The following NTN5 variants were observed in gnomAD, a reference collection of about 807,000 sequenced individuals.
NTN5 encodes the protein netrin 5.
NTN5 carries 42 observed loss-of-function variants against 38.7 expected under a neutral mutation model. The observed-to-expected ratio is 1.08, with a 90% CI of 0.85 to 1.40. The LOEUF (loss-of-function observed/expected upper bound fraction) is 1.40, where lower values mean the gene tolerates loss of function less well. Among genes scored for constraint, NTN5 ranks in the 40% most tolerant of loss-of-function variants. NTN5 has a pLI of 0.00. For synonymous variants in NTN5, 329 were observed against 303.9 expected (o/e 1.08, Z -0.86); for missense variants, 658 against 716.5 (o/e 0.92, Z 0.93).
Position 48,670,914 on chromosome 19 carries a change from G to C in NTN5, c.73C>G (p.Arg25Gly), listed in dbSNP as rs759771638. Reference protein sequence around the residue: ...TADPCYDPQGRPQFCLPPVTQ... With the variant: ...TADPCYDPQGGPQFCLPPVTQ... Reference sequence around the variant, plus strand: ...ACTGGCGGGAGGCAGAATTGGGGGCGGCCCTGTGGATCGTAGCATGGGTCC... The same window carrying C: ...ACTGGCGGGAGGCAGAATTGGGGGCCGCCCTGTGGATCGTAGCATGGGTCC... The change falls in exon 2 of 7, where the codon CGC (arginine) becomes GGC (glycine). Residue 25 changes from arginine (R) to glycine (G), a missense_variant. Transcript: ENST00000270235. The C allele has an allele frequency of 5.6e-6, 9 of 1,601,394 alleles. No individual in the cohort carries two copies. The highest frequency in any genetic ancestry group is 7.7e-6 in the Non-Finnish European group (9 of 1,173,388).
Position 48,663,532 on chromosome 19 carries a change from G to A in NTN5, c.1036C>T (p.Gln346Ter), listed in dbSNP as rs1200976613. The part of the protein sequence containing the change: ...PGAYSSDPQC[Q>*]NYCNMSDTRV... ...GTGTCCGACATATTGCAGTAGTTTT[G>A]ACACTGAGGGTCTGGGGAGGGTCAG... The change falls in exon 6 of 7, where the codon CAA becomes TAA. Residue 346 changes from glutamine to a stop codon, truncating the protein, a stop_gained. Coordinates refer to ENST00000270235, the MANE Select transcript of NTN5 (RefSeq NM_145807.4). LOFTEE classifies it high-confidence loss of function. 3 of 1,614,130 alleles carry A rather than the reference G, an allele frequency of 1.9e-6. No individual in the cohort carries two copies. In the Admixed American group the frequency reaches 5.0e-5, roughly 27 times the overall value.
chr19:48,661,950 C>A lies in NTN5; in HGVS notation c.1197G>T (p.Ala399=). Residue 399 remains alanine, a synonymous_variant, in exon 7 of 7, where the codon GCG becomes GCT. Transcript: ENST00000270235. ...CCTGGTCGCCGCGTCGCACGGGCTG[C>A]GCCCGCTGCTTGTAAACGGCCAGCA... ...VRVLAVYKQR[A]QPVRRGDQDA... is the part of the protein sequence containing the mutation. 1 of 1,439,254 alleles carries A rather than the reference C, an allele frequency of 6.9e-7. No individual in the cohort carries two copies. The highest frequency in any genetic ancestry group is 9.1e-7 in the Non-Finnish European group (1 of 1,103,018). 89.2% of individuals were successfully genotyped at this position (1,439,254 alleles called of 1,614,324 possible).
chr19:48,661,694 G>A lies in NTN5; in HGVS notation c.1453C>T (p.Pro485Ser). Residue 485 changes from proline to serine, a missense_variant, in exon 7 of 7, where the codon CCC becomes TCC. Pro to Ser is a moderately conservative substitution (Grantham distance 74). Coordinates refer to ENST00000270235, the MANE Select transcript of NTN5 (RefSeq NM_145807.4). Reference sequence around the variant, plus strand: ...TCTCACGTCTAGTGCTCCGGCCTGGGACTGGGTGTGGGTGCCCGCACGCCG... The same window carrying A: ...TCTCACGTCTAGTGCTCCGGCCTGGAACTGGGTGTGGGTGCCCGCACGCCG... ...CRGVRAPTPSPRPEH is the reference protein window; with the variant it reads ...CRGVRAPTPSSRPEH 1 of 1,556,412 alleles carries A rather than the reference G, an allele frequency of 6.4e-7. No individual in the cohort carries two copies. Among genetic ancestry groups the A allele is most frequent in the Non-Finnish European group, 8.6e-7 (1 of 1,161,338 alleles).
chr19:48,670,275 G>A, intron 2 of NTN5, 81 bp downstream of exon 2: 1 of 1,323,700 alleles, frequency 7.6e-7, no homozygotes, highest in South Asian at 2.0e-5. Context: ...AGCGAGGGAA[G>A]GGAACATCCT....
chr19:48,665,528 G>A (rs1023653194), intron 2 of NTN5, among the ~76,000 whole-genome samples: 6 of 151,344 alleles, frequency 4.0e-5, no homozygotes, highest in African/African-American at 1.5e-4. Context: ...GGCCTCTAAA[G>A]AGTAGGCTGC....
Position 48,664,166 on chromosome 19 carries a change from C to A in NTN5, c.947G>T (p.Arg316Leu), listed in dbSNP as rs138529881. The change falls in exon 4 of 7, where the codon CGC becomes CTC. Residue 316 changes from arginine (R) to leucine (L), a missense_variant. By Grantham distance (102) the Arg-to-Leu change is moderately radical. Coordinates refer to ENST00000270235, the MANE Select transcript of NTN5 (RefSeq NM_145807.4). ...NRCGPGYQQS[R>L]SPRMPCQRIP... is the part of the protein sequence containing the mutation. Reference sequence around the variant, plus strand: ...ACGCTGGCAGGGCATCCTGGGGGAGCGGCTCTGCTGGTAGCCAGGGCCACA... The same window carrying A: ...ACGCTGGCAGGGCATCCTGGGGGAGAGGCTCTGCTGGTAGCCAGGGCCACA... The A allele has an allele frequency of 6.2e-6, 10 of 1,608,050 alleles. No individual in the cohort carries two copies. Among genetic ancestry groups the A allele is most frequent in the East Asian group, 2.2e-5 (1 of 44,692 alleles).
At position 48,661,664 on chromosome 19, in the gene NTN5, C is replaced by A. The variant is rs1367772332; in HGVS notation, c.*13G>T. Reference sequence around the variant, plus strand: ...ATTACTTTGTTGGTGCTCGAGGCAGCCCCATCTCACGTCTAGTGCTCCGGC... The same window carrying A: ...ATTACTTTGTTGGTGCTCGAGGCAGACCCATCTCACGTCTAGTGCTCCGGC... On this transcript the variant is annotated 3_prime_UTR_variant, in exon 7 of 7. Coordinates refer to ENST00000270235, the MANE Select transcript of NTN5 (RefSeq NM_145807.4). 1 of 1,529,308 alleles carries A rather than the reference C, an allele frequency of 6.5e-7. No homozygotes were observed. Among genetic ancestry groups the A allele is most frequent in the East Asian group, 2.6e-5 (1 of 39,178 alleles). The allele number at this position is 1,529,308 out of a possible 1,614,324, so 94.7% of individuals were successfully genotyped here.
At chr19:48,671,066 A>C (rs1258732084) in intron 1 of NTN5, 60 bp from the exon 2 acceptor site, 1 of 1,336,096 alleles carries the variant, frequency 7.5e-7, no homozygotes, top group East Asian at 2.6e-5. Context: ...CCCCTCCTGG[A>C]GGTGTCCTGT....
At chr19:48,671,125 G>C in intron 1 of NTN5, 119 bp from the exon 2 acceptor site, 1 of 646,594 alleles carries the variant, frequency 1.5e-6, no homozygotes. Flanking sequence ...CTCCCCGGCT[G>C]CATGGAAGCG....
At position 48,661,760 on chromosome 19, in the gene NTN5, G is replaced by A. The variant is rs779592292; in HGVS notation, c.1387C>T (p.Leu463=). ...CGCTCCTCCTGCTGCAGCCGCTTCAGGGGCCGGGCCCAGCGCGGCCTCCAT... is the reference window on the plus strand; with the variant it reads ...CGCTCCTCCTGCTGCAGCCGCTTCAAGGGCCGGGCCCAGCGCGGCCTCCAT... ...LPWRPRWARP[L]KRLQQEERAG... Residue 463 remains leucine (L), a synonymous_variant, in exon 7 of 7, where the codon CTG becomes TTG. Coordinates refer to ENST00000270235, the MANE Select transcript of NTN5 (RefSeq NM_145807.4). 2.0e-6 allele frequency: 3 copies of A among 1,501,384 alleles called. No individual in the cohort carries two copies. The highest frequency in any genetic ancestry group is 2.6e-6 in the Non-Finnish European group (3 of 1,135,690). 93.0% of individuals were successfully genotyped at this position (1,501,384 alleles called of 1,614,324 possible). A position where few individuals can be genotyped will look rare whatever the true frequency, so the allele number is the denominator to read the frequency against.
In NTN5 at chr19:48,670,861, G is replaced by A; in HGVS notation, c.126C>T (p.Ser42=). The change falls in exon 2 of 7, where the codon TCC becomes TCT. Residue 42 remains serine (S), a synonymous_variant. Coordinates refer to ENST00000270235, the MANE Select transcript of NTN5 (RefSeq NM_145807.4). ...GGGACAGGGCACAGGCCTGAGGGCA[G>A]GAGGCCGCCACGGCAGCCAGCTGTG... ...PVTQLAAVAA[S]CPQACALSPG... is the part of the protein sequence containing the mutation. 6.2e-7 allele frequency: 1 copy of A among 1,611,990 alleles called. No individual in the cohort carries two copies. Among genetic ancestry groups the A allele is most frequent in the South Asian group, 1.1e-5 (1 of 91,046 alleles).
At chr19:48,667,257 G>A in intron 2 of NTN5, 1 of 177,800 alleles carries the variant, frequency 5.6e-6, no homozygotes, top group South Asian at 7.5e-5. Context: ...AGACCAGGAT[G>A]TCTGTGAAGC....
chr19:48,672,107 C>A (rs1267879248), intron 1 of NTN5, among the ~76,000 whole-genome samples: 1 of 152,192 alleles, frequency 6.6e-6, no homozygotes, highest in African/African-American at 2.4e-5. Flanking sequence ...ATTCTCCACC[C>A]ATCCAGAGTT....
Position 48,670,717 on chromosome 19 carries a change from G to T in NTN5, c.270C>A (p.Leu90=). 4 of 1,612,580 alleles carry T rather than the reference G, an allele frequency of 2.5e-6. No individual in the cohort carries two copies. Among genetic ancestry groups the T allele is most frequent in the Non-Finnish European group, 3.4e-6 (4 of 1,179,756 alleles). The change falls in exon 2 of 7, where the codon CTC becomes CTA. Residue 90 remains leucine (L), a synonymous_variant. Coordinates refer to ENST00000270235, the MANE Select transcript of NTN5 (RefSeq NM_145807.4). ...CTGAGGCCCAGGCAGCAGACAGGAT[G>T]AGGGCTGGGGGTCCTGGGGTACAGA... is the stretch of plus-strand genomic sequence containing the variant. The part of the protein sequence containing the change: ...LRFCTPGPPA[L]ILSAAWASGG...
intron 2 of NTN5, among the ~76,000 whole-genome samples, chr19:48,666,638 G>A (rs1030910232): frequency 4.0e-5 from 6 of 149,594 alleles, no homozygotes; most frequent in African/African-American, 1.5e-4. Flanking sequence ...AGCAAGCACT[G>A]CAGAGTGAGA....
chr19:48,661,748 G>A lies in NTN5; in HGVS notation c.1399C>T (p.Gln467Ter). Residue 467 changes from glutamine to a stop codon, truncating the protein, a stop_gained, in exon 7 of 7, where the codon CAG becomes TAG. Coordinates refer to ENST00000270235, the MANE Select transcript of NTN5 (RefSeq NM_145807.4). LOFTEE classifies it low-confidence loss of function (END_TRUNC). ...CAGCCTCCGGCGCGCTCCTCCTGCT[G>A]CAGCCGCTTCAGGGGCCGGGCCCAG... Reference protein sequence around the residue: ...PRWARPLKRLQQEERAGGCRG... With the variant: ...PRWARPLKRL 2 of 1,523,814 alleles carry A rather than the reference G, an allele frequency of 1.3e-6. No individual in the cohort carries two copies. Among genetic ancestry groups the A allele is most frequent in the South Asian group, 2.4e-5 (2 of 83,126 alleles). The allele number at this position is 1,523,814 out of a possible 1,614,324, so 94.4% of individuals were successfully genotyped here.
At chr19:48,664,864 C>T (rs546889197) in intron 2 of NTN5, 97 bp from the exon 3 acceptor site, 26 of 1,063,172 alleles carry the variant, frequency 2.4e-5, no homozygotes, top group East Asian at 6.2e-5. Context: ...GAAAGGAAGC[C>T]GTGAGTGTCC....
intron 5 of NTN5, 37 bp from the exon 6 acceptor site, chr19:48,663,580 G>A: frequency 1.3e-6 from 2 of 1,593,992 alleles, no homozygotes; most frequent in Non-Finnish European, 1.7e-6. Context: ...GGGCTCCTGG[G>A]GCCTAGACCA....
intron 6 of NTN5, chr19:48,663,091 A>G (rs1333005934): frequency 2.5e-6 from 1 of 406,510 alleles, no homozygotes; most frequent in East Asian, 6.9e-5. Flanking sequence ...GCTAAGGCTC[A>G]AATATCTGGG....
Sources: allele counts gnomAD v4.1 joint callset (sites outside exome capture counted in the v4.1 genomes callset), GRCh38; gene constraint gnomAD v4.1.1; transcripts MANE v1.5; gene names NCBI Gene and HGNC (gene_info 2026-07-23, HGNC 2026-07-21).